The following C11orf65 variants were observed in gnomAD, a reference collection of about 807,000 sequenced individuals.
C11orf65 encodes protein MFI.
In C11orf65, 38 loss-of-function variants were observed where a neutral mutation model predicts 35.3. The ratio of observed to expected loss-of-function variants is 1.08; its 90% confidence interval spans 0.83 to 1.41. The LOEUF (loss-of-function observed/expected upper bound fraction) is 1.41. Ranked by LOEUF, C11orf65 falls within the 40% of genes most tolerant of loss-of-function variation. The pLI is 0.00. For synonymous variants in C11orf65, 105 were observed against 114.4 expected (o/e 0.92, Z 0.53); for missense variants, 370 against 367.1 (o/e 1.01, Z -0.06).
chr11:108,405,617 T>C, intron 5 of C11orf65, 58 bp from the exon 6 acceptor site: 1 of 1,552,386 alleles, frequency 6.4e-7, no homozygotes, highest in Non-Finnish European at 8.8e-7. Context: ...TGAGGTTATC[T>C]GGCAATAGAC....
intron 3 of C11orf65, among the ~76,000 whole-genome samples, chr11:108,430,075 T>C (rs924873412): frequency 3.3e-5 from 5 of 151,816 alleles, no homozygotes; most frequent in African/African-American, 7.3e-5. Flanking sequence ...GTGGTGATGG[T>C]TGGTGATGGT....
chr11:108,407,467 A>G (rs969206528), intron 3 of C11orf65, among the ~76,000 whole-genome samples: 1 of 146,086 alleles, frequency 6.8e-6, no homozygotes, highest in Admixed American at 7.1e-5. Context: ...GTGCACCACC[A>G]TGCCTGGCTA....
At chr11:108,427,853 C>G (rs1477770890) in intron 3 of C11orf65, among the ~76,000 whole-genome samples, 1 of 44,568 alleles carries the variant, frequency 2.2e-5, no homozygotes. Context: ...TTTTTTGAGA[C>G]AGAGTCTCGC....
chr11:108,364,643 G>A (rs551423554), intron 2 of C11orf65, among the ~76,000 whole-genome samples: 5 of 152,190 alleles, frequency 3.3e-5, no homozygotes, highest in African/African-American at 1.2e-4. Context: ...TATTGGAGAA[G>A]ACGGCTTAGG....
At chr11:108,399,837 G>C (rs2092404494) in intron 6 of C11orf65, among the ~76,000 whole-genome samples, 1 of 152,212 alleles carries the variant, frequency 6.6e-6, no homozygotes, top group African/African-American at 2.4e-5. Flanking sequence ...CAAGCAACCA[G>C]TCTCTACCAG....
rs541483231 is a variant in C11orf65 at position 108,393,297 on chromosome 11, A to G, written c.642T>C (p.Ile214=). The G allele has an allele frequency of 5.6e-6, 9 of 1,614,058 alleles. No individual in the cohort carries two copies. The African/African-American group carries it at 1.1e-4, about 19-fold the overall frequency. The change falls in exon 7 of 9, where the codon ATT becomes ATC. Residue 214 remains isoleucine (I), a synonymous_variant. Coordinates refer to ENST00000393084, the MANE Select transcript of C11orf65 (RefSeq NM_152587.5). ...CTATCCCCCCATCTTCAAAAGCTCT[A>G]ATCAGCCCCTTTGTTGCAGTGTGAA... ...GLIHTATKGL[I]RAFEDGGIDS...
chr11:108,332,117 T>A (rs2136535591), intron 3 of C11orf65: 1 of 1,546,742 alleles, frequency 6.5e-7, no homozygotes, highest in South Asian at 1.2e-5. Flanking sequence ...AAATCTTGTG[T>A]TATTAAGATG....
At position 108,332,163 on chromosome 11, in the gene C11orf65, C is replaced by T. The variant is rs903071288; in HGVS notation, c.300-596G>A. 3.2e-6 allele frequency: 4 copies of T among 1,241,324 alleles called. No homozygotes were observed. The African/African-American group carries it at 6.0e-5, about 19-fold the overall frequency. The allele number at this position is 1,241,324 out of a possible 1,614,324, so 76.9% of individuals were successfully genotyped here. ...TCGGTTCAAGGCTGGCACGGTGGCT[C>T]ACGCCTGTAATCCCAGCACTTTGGG... On this transcript the variant is annotated intron_variant, in intron 3 of 3. Transcript: ENST00000524755.
chr11:108,446,609 C>G (rs1179667777), intron 2 of C11orf65, among the ~76,000 whole-genome samples: 2 of 152,036 alleles, frequency 1.3e-5, no homozygotes, highest in Non-Finnish European at 2.9e-5. Context: ...ACCAGGCCTG[C>G]CCTAAAAGAG....
At chr11:108,325,652 C>A in intron 6 of C11orf65, 1 of 933,666 alleles carries the variant, frequency 1.1e-6, no homozygotes, top group Non-Finnish European at 1.6e-6. Context: ...ATAGAGATCT[C>A]TATTAATATA....
chr11:108,412,786 T>A (rs2092680173), intron 3 of C11orf65, among the ~76,000 whole-genome samples: 1 of 152,066 alleles, frequency 6.6e-6, no homozygotes. Flanking sequence ...ATACTAACAC[T>A]AATAGAACGA....
At chr11:108,388,875 T>A (rs1181133696) in intron 7 of C11orf65, among the ~76,000 whole-genome samples, 1 of 152,234 alleles carries the variant, frequency 6.6e-6, no homozygotes, top group Non-Finnish European at 1.5e-5. Context: ...CAGTACTCAT[T>A]AGTGTGTTTG....
chr11:108,346,014 A>G, intron 2 of C11orf65: 1 of 1,337,468 alleles, frequency 7.5e-7, no homozygotes, highest in South Asian at 1.2e-5. Flanking sequence ...GGGGGATGAT[A>G]GTGATGATGT....
intron 2 of C11orf65, chr11:108,354,716 G>A: frequency 9.1e-7 from 1 of 1,095,020 alleles, no homozygotes; most frequent in Non-Finnish European, 1.4e-6. Flanking sequence ...ATTAAGCATA[G>A]GCTCAGCATA....
At chr11:108,330,264 G>A (rs587781361), downstream of C11orf65, 31 of 1,614,020 alleles carry the variant, frequency 1.9e-5, no homozygotes, top group South Asian at 1.3e-4. Context: ...TTAGCCCTGC[G>A]TGCACTGAAA....
chr11:108,347,421 A>T, intron 2 of C11orf65: 1 of 1,372,206 alleles, frequency 7.3e-7, no homozygotes, highest in Non-Finnish European at 1.0e-6. Context: ...GTCATCATGG[A>T]ATGTTGTTTG....
chr11:108,345,720 T>A, intron 2 of C11orf65: 1 of 1,498,576 alleles, frequency 6.7e-7, no homozygotes, highest in Non-Finnish European at 9.1e-7. Context: ...TGAAAAATAA[T>A]TATATATATT....
At chr11:108,385,532 A>C (rs1367364024) in intron 8 of C11orf65, among the ~76,000 whole-genome samples, 2 of 152,118 alleles carry the variant, frequency 1.3e-5, no homozygotes, top group African/African-American at 4.8e-5. Context: ...AATACAAAAA[A>C]TTAGCGGGGT....
At chr11:108,330,337 A>T (rs1158876832), downstream of C11orf65, 5 of 1,614,198 alleles carry the variant, frequency 3.1e-6, no homozygotes, top group Non-Finnish European at 1.7e-6. Flanking sequence ...TATTAAGTGG[A>T]GAAGAACATG....
Sources: gnomAD v4.1 joint callset for allele counts (sites outside exome capture counted in the v4.1 genomes callset) on GRCh38, gnomAD v4.1.1 for gene constraint, MANE v1.5 for transcripts, NCBI Gene and HGNC (gene_info 2026-07-23, HGNC 2026-07-21) for gene names.